Variants in GSE1 observed in about 807,000 individuals in gnomAD.
GSE1 encodes genetic suppressor element 1.
In GSE1, 32 loss-of-function variants were observed where a neutral mutation model predicts 112.6. The observed-to-expected ratio is 0.28, with a 90% CI of 0.21 to 0.38. GSE1 has a LOEUF of 0.38. GSE1 is among the 10% of genes least tolerant of loss of function. The probability of loss-of-function intolerance (pLI) is 1.00; values close to 1 mark genes in which losing one functional copy is unlikely to be tolerated. For synonymous variants in GSE1, 1,115 were observed against 735.6 expected, an observed-to-expected ratio of 1.52 and a Z score of -8.35; for missense variants, 2,348 against 1,699.2, an observed-to-expected ratio of 1.38 and a Z score of -6.71.
intron 1 of GSE1, chr16:85,283,519 G>C (rs2044919620): frequency 6.5e-6 from 1 of 152,678 alleles, no homozygotes; most frequent in African/African-American, 2.4e-5. Flanking sequence ...AGTTGGCGAA[G>C]GCCCCAGAGG....
intron 1 of GSE1, among the ~76,000 whole-genome samples, chr16:85,204,825 C>T (rs1226044845): frequency 1.3e-5 from 2 of 152,222 alleles, no homozygotes; most frequent in African/African-American, 4.8e-5. Flanking sequence ...GTCCCCCACA[C>T]CCAGCCAGCC....
intron 2 of GSE1, among the ~76,000 whole-genome samples, chr16:85,511,700 T>G (rs2051752004): frequency 6.6e-6 from 1 of 152,108 alleles, no homozygotes; most frequent in Admixed American, 6.5e-5. Flanking sequence ...CTCAAGTGTC[T>G]TCAGAAGAGA....
chr16:85,339,546 TGA>T (rs2046579193), intron 1 of GSE1, among the ~76,000 whole-genome samples: 1 of 150,946 alleles, frequency 6.6e-6, no homozygotes, highest in Admixed American at 6.7e-5. Flanking sequence ...AAGGCGGCAG[TGA>T]AAAGGCACTA....
chr16:85,294,634 TCTC>T (rs2045313652), intron 1 of GSE1, among the ~76,000 whole-genome samples: 1 of 138,246 alleles, frequency 7.2e-6, no homozygotes, highest in Admixed American at 7.1e-5. Flanking sequence ...TCTCTCTCTC[TCTC>T]TCTCTCTCTC....
At chr16:85,661,826 C>G (rs1038276299) in intron 9 of GSE1, 61 bp downstream of exon 9, 12 of 1,415,474 alleles carry the variant, frequency 8.5e-6, no homozygotes, top group Non-Finnish European at 1.1e-5. Context: ...GATGGGGAGC[C>G]TGCATGCCAG....
intron 2 of GSE1, among the ~76,000 whole-genome samples, chr16:85,646,618 G>GA (rs1234722291): frequency 6.6e-6 from 1 of 152,194 alleles, no homozygotes; most frequent in African/African-American, 2.4e-5. Context: ...CTGTGTCAGG[G>GA]AAGGGGGCTT....
intron 1 of GSE1, among the ~76,000 whole-genome samples, chr16:85,262,172 A>C (rs1281452318): frequency 6.6e-6 from 1 of 152,248 alleles, no homozygotes; most frequent in Non-Finnish European, 1.5e-5. Flanking sequence ...TCTTTCTGAA[A>C]ACTGACGATG....
At chr16:85,616,338 T>C (rs1312075280) in intron 1 of GSE1, among the ~76,000 whole-genome samples, 4 of 152,210 alleles carry the variant, frequency 2.6e-5, no homozygotes, top group Non-Finnish European at 5.9e-5. Context: ...GCGGATAAGC[T>C]AGAGGGCTGG....
At chr16:85,452,813 C>T (rs751356164) in intron 2 of GSE1, among the ~76,000 whole-genome samples, 20 of 152,230 alleles carry the variant, frequency 1.3e-4, no homozygotes, top group African/African-American at 3.4e-4. Flanking sequence ...CTCTCTCCCC[C>T]GTTCGTTCTG....
intron 1 of GSE1, among the ~76,000 whole-genome samples, chr16:85,290,425 C>A (rs1299184296): frequency 6.6e-6 from 1 of 152,194 alleles, no homozygotes; most frequent in African/African-American, 2.4e-5. Context: ...GTAAGCAGTT[C>A]TCTTTCTGCA....
intron 1 of GSE1, among the ~76,000 whole-genome samples, chr16:85,328,000 G>C (rs1343495677): frequency 6.6e-6 from 1 of 152,204 alleles, no homozygotes; most frequent in Non-Finnish European, 1.5e-5. Context: ...CATGAATCCA[G>C]CTGGCTGTGG....
chr16:85,396,341 G>A (rs369670977), intron 2 of GSE1, among the ~76,000 whole-genome samples: 1 of 152,232 alleles, frequency 6.6e-6, no homozygotes, highest in East Asian at 1.9e-4. Context: ...ATATTAGGCC[G>A]TGGCCCAGCG....
chr16:85,326,092 A>G (rs992524118), intron 1 of GSE1, among the ~76,000 whole-genome samples: 1 of 152,178 alleles, frequency 6.6e-6, no homozygotes, highest in Non-Finnish European at 1.5e-5. Flanking sequence ...TGACAGGGGT[A>G]GAAAGTTGGC....
At chr16:85,608,229 G>A (rs533058104), upstream of GSE1, among the ~76,000 whole-genome samples, 5 of 152,292 alleles carry the variant, frequency 3.3e-5, no homozygotes, top group East Asian at 7.7e-4. Flanking sequence ...CCGATGCGTA[G>A]GGCAGGGCTG....
chr16:85,451,219 C>T (rs958538930), intron 2 of GSE1, among the ~76,000 whole-genome samples: 2 of 152,180 alleles, frequency 1.3e-5, no homozygotes, highest in Non-Finnish European at 2.9e-5. Context: ...AAAATTTTGC[C>T]TCCAACTGCA....
At chr16:85,214,824 C>A (rs2075282918) in intron 1 of GSE1, among the ~76,000 whole-genome samples, 1 of 151,904 alleles carries the variant, frequency 6.6e-6, no homozygotes, top group Non-Finnish European at 1.5e-5. Context: ...ATGCAGGGGC[C>A]CTCGTGGATG....
At chr16:85,315,000 A>C (rs896821331) in intron 1 of GSE1, among the ~76,000 whole-genome samples, 1 of 152,218 alleles carries the variant, frequency 6.6e-6, no homozygotes, top group Non-Finnish European at 1.5e-5. Context: ...TAGTGTTTGC[A>C]ATCAGGGCCA....
intron 1 of GSE1, among the ~76,000 whole-genome samples, chr16:85,598,167 GTTT>G (rs973836177): frequency 0.043 from 3,052 of 71,364 alleles, 96 homozygotes; most frequent in African/African-American, 0.16. Flanking sequence ...AGGTTTGGTT[GTTT>G]TTTTTTTTTT....
intron 1 of GSE1, among the ~76,000 whole-genome samples, chr16:85,333,710 G>T (rs2046423068): frequency 2.0e-5 from 3 of 152,182 alleles, no homozygotes; most frequent in South Asian, 2.1e-4. Flanking sequence ...GCCCAAAGAG[G>T]GTCCTCAGCT....
Sources: allele counts gnomAD v4.1 joint callset (sites outside exome capture counted in the v4.1 genomes callset), GRCh38; gene constraint gnomAD v4.1.1; transcripts MANE v1.5; gene names NCBI Gene and HGNC (gene_info 2026-07-23, HGNC 2026-07-21).